The following SLC25A27 variants were observed in gnomAD, a reference collection of about 807,000 sequenced individuals.
The protein encoded by SLC25A27 is solute carrier family 25 member 27.
A neutral mutation model predicts 49.1 loss-of-function variants in SLC25A27; 35 were observed. That is an observed-to-expected ratio of 0.71 (90% CI 0.54 to 0.95). SLC25A27 has a LOEUF of 0.95. Ranked by LOEUF, SLC25A27 falls within the 40% of genes least tolerant of loss-of-function variation. The probability of loss-of-function intolerance (pLI) is 0.00; values close to 1 mark genes in which losing one functional copy is unlikely to be tolerated. For synonymous variants in SLC25A27, 144 were observed against 136.9 expected (o/e 1.05, Z -0.36); for missense variants, 339 against 397.1 (o/e 0.85, Z 1.24).
chr6:46,673,936 T>G (rs1246033941), intron 8 of SLC25A27, among the ~76,000 whole-genome samples: 6 of 152,070 alleles, frequency 3.9e-5, no homozygotes, highest in African/African-American at 1.4e-4. Flanking sequence ...AGGAGATAAA[T>G]TTTAGGGACA....
intron 2 of SLC25A27, chr6:46,658,616 A>G (rs953062): frequency 0.38 from 143,820 of 382,388 alleles, 29,074 homozygotes; most frequent in South Asian, 0.6. Context: ...GATAAGCAAG[A>G]AGAGTTAATT....
chr6:46,655,468 ATTAAAG>A (rs1265616639), intron 1 of SLC25A27, among the ~76,000 whole-genome samples: 2 of 151,416 alleles, frequency 1.3e-5, no homozygotes, highest in South Asian at 2.1e-4. Flanking sequence ...ACTAACAGAT[ATTAAAG>A]TTAAATTTCT....
chr6:46,671,328 C>T, intron 8 of SLC25A27, 100 bp downstream of exon 8: 1 of 601,888 alleles, frequency 1.7e-6, no homozygotes, highest in Non-Finnish European at 2.8e-6. Context: ...AAGCATGGCC[C>T]TGCCCCCCAA....
chr6:46,674,209 C>T (rs1281121142), intron 8 of SLC25A27, among the ~76,000 whole-genome samples: 2 of 152,082 alleles, frequency 1.3e-5, no homozygotes, highest in Non-Finnish European at 2.9e-5. Flanking sequence ...AAAAAGAGTA[C>T]TTAATACGTG....
chr6:46,672,418 C>T lies in SLC25A27; in HGVS notation c.900+1190C>T, dbSNP rs572083906. On this transcript the variant is annotated intron_variant, in intron 8 of 8. Transcript: ENST00000371347. ...AATATGCATTTTTAGAAAATTTGTT[C>T]TGCCTGTCGTGTGGATTGGGAAAAG... Among the ~76,000 whole-genome samples, 3 of 152,092 alleles carry T rather than the reference C, an allele frequency of 2.0e-5. No individual in the cohort carries two copies. The South Asian group carries it at 6.2e-4, about 32-fold the overall frequency.
At position 46,659,047 on chromosome 6, in the gene SLC25A27, G is replaced by T; in HGVS notation, c.383+1G>T. The T allele has an allele frequency of 6.2e-7, 1 of 1,602,874 alleles. No homozygotes were observed. The highest frequency in any genetic ancestry group is 8.5e-7 in the Non-Finnish European group (1 of 1,172,248). On this transcript the variant is annotated splice_donor_variant, in intron 3 of 8. Transcript: ENST00000371347. LOFTEE classifies it high-confidence loss of function. The stretch of plus-strand genomic sequence containing the variant: ...GTGAAGATGAGCATTATCCCCTTTG[G>T]TAAGTTTTGTTTGGAAAATAATATG...
In SLC25A27 at chr6:46,653,524, G is replaced by A. The variant is rs115407211; in HGVS notation, c.106+226G>A. ...CTCTTCTAATGCTTCCCTTAGGCAT[G>A]TGCTGTGGTGCTTGAATGTTGTACT... On this transcript the variant is annotated intron_variant, in intron 1 of 8. Transcript: ENST00000371347. The A allele has an allele frequency of 7.6e-4, 750 of 985,474 alleles. 6 individuals are homozygous for A. The African/African-American group carries it at 0.012, about 16-fold the overall frequency. The allele number at this position is 985,474 out of a possible 1,614,324, so 61.0% of individuals were successfully genotyped here.
Position 46,653,168 on chromosome 6 carries a change from C to A in SLC25A27, c.-25C>A, listed in dbSNP as rs552421663. On this transcript the variant is annotated 5_prime_UTR_variant, in exon 1 of 9. Coordinates refer to ENST00000371347, the MANE Select transcript of SLC25A27 (RefSeq NM_004277.5). ...TGCAGCGCAGCGGCGAGAAGGAGTGCGTTATCGTCTTGCGCTACTGCTGAA... is the reference window on the plus strand; with the variant it reads ...TGCAGCGCAGCGGCGAGAAGGAGTGAGTTATCGTCTTGCGCTACTGCTGAA... 1.6e-4 allele frequency: 257 copies of A among 1,596,238 alleles called. No individual in the cohort carries two copies. In the South Asian group the frequency reaches 2.5e-3, roughly 15 times the overall value.
intron 8 of SLC25A27, among the ~76,000 whole-genome samples, chr6:46,673,789 G>T (rs374604140): frequency 1.3e-5 from 2 of 152,272 alleles, no homozygotes; most frequent in East Asian, 3.9e-4. Context: ...ACTTGCTTAA[G>T]CCCGGGAACA....
rs753698435 is a variant in SLC25A27 at position 46,653,234 on chromosome 6, C to G, written c.42C>G (p.Thr14=). 3.7e-6 allele frequency: 6 copies of G among 1,613,698 alleles called. No homozygotes were observed. Among genetic ancestry groups the G allele is most frequent in the Non-Finnish European group, 5.1e-6 (6 of 1,179,754 alleles). ...PEEEERLLPL[T]QRWPRASKFL... ...AGGAGGAGAGGCTTTTGCCGCTGAC[C>G]CAGAGATGGCCCCGAGCGAGCAAAT... Residue 14 remains threonine (T), a synonymous_variant, in exon 1 of 9, where the codon ACC becomes ACG. Coordinates refer to ENST00000371347, the MANE Select transcript of SLC25A27 (RefSeq NM_004277.5).
chr6:46,668,885 G>T, intron 6 of SLC25A27, 92 bp downstream of exon 6: 1 of 757,118 alleles, frequency 1.3e-6, no homozygotes. Context: ...ATTTGATTGG[G>T]ATTGTACTGG....
At chr6:46,663,761 G>A (rs1763238452) in intron 4 of SLC25A27, among the ~76,000 whole-genome samples, 1 of 152,082 alleles carries the variant, frequency 6.6e-6, no homozygotes, top group Non-Finnish European at 1.5e-5. Context: ...TAAAAAGCAT[G>A]AACATTGAGA....
At chr6:46,666,021 G>T (rs561080106) in intron 5 of SLC25A27, among the ~76,000 whole-genome samples, 24 of 152,192 alleles carry the variant, frequency 1.6e-4, no homozygotes, top group South Asian at 4.1e-4. Flanking sequence ...CTCTTGCAAA[G>T]AGTGGTGCAG....
At chr6:46,672,296 C>T (rs1045593213) in intron 8 of SLC25A27, among the ~76,000 whole-genome samples, 1 of 151,964 alleles carries the variant, frequency 6.6e-6, no homozygotes, top group Admixed American at 6.6e-5. Flanking sequence ...CTACAGAGAC[C>T]TCATGGAGAG....
intron 4 of SLC25A27, among the ~76,000 whole-genome samples, chr6:46,664,317 T>C (rs577561079): frequency 6.6e-6 from 1 of 152,348 alleles, no homozygotes; most frequent in Admixed American, 6.5e-5. Context: ...GAAATTGTCC[T>C]TTTTACTTCT....
intron 2 of SLC25A27, among the ~76,000 whole-genome samples, chr6:46,657,094 A>C (rs1294499834): frequency 6.6e-6 from 1 of 152,178 alleles, no homozygotes; most frequent in African/African-American, 2.4e-5. Flanking sequence ...TGAATCCAGG[A>C]ATTCAAGGTG....
In SLC25A27 at chr6:46,676,809, C is replaced by A; in HGVS notation, c.*355C>A. 2.4e-6 allele frequency: 2 copies of A among 824,938 alleles called. No homozygotes were observed. The highest frequency in any genetic ancestry group is 4.0e-6 in the Non-Finnish European group (2 of 500,154). 51.1% of individuals were successfully genotyped at this position (824,938 alleles called of 1,614,324 possible). Reference sequence around the variant, plus strand: ...TTAGAGGAGGAGTACCAGGAGGGAGCCAGCATTTCAGATCTGAAGTAGACG... The same window carrying A: ...TTAGAGGAGGAGTACCAGGAGGGAGACAGCATTTCAGATCTGAAGTAGACG... On this transcript the variant is annotated 3_prime_UTR_variant, in exon 9 of 9. Coordinates refer to ENST00000371347, the MANE Select transcript of SLC25A27 (RefSeq NM_004277.5).
chr6:46,663,610 T>A (rs2150642445), intron 4 of SLC25A27, among the ~76,000 whole-genome samples: 1 of 152,194 alleles, frequency 6.6e-6, no homozygotes, highest in African/African-American at 2.4e-5. Flanking sequence ...AATATCTGAG[T>A]TTTTAACTGA....
At chr6:46,664,646 A>C in intron 4 of SLC25A27, 128 bp from the exon 5 acceptor site, 1 of 478,178 alleles carries the variant, frequency 2.1e-6, no homozygotes, top group Non-Finnish European at 3.7e-6. Flanking sequence ...CATTTCTAAT[A>C]ATTCTGGATA....
Sources: allele counts gnomAD v4.1 joint callset (sites outside exome capture counted in the v4.1 genomes callset), GRCh38; gene constraint gnomAD v4.1.1; transcripts MANE v1.5; gene names NCBI Gene and HGNC (gene_info 2026-07-23, HGNC 2026-07-21).